Variants in NUP54 observed in about 807,000 individuals in gnomAD.
NUP54 encodes nucleoporin p54.
In NUP54, 27 loss-of-function variants were observed where a neutral mutation model predicts 66.4. The observed-to-expected ratio is 0.41, with a 90% CI of 0.30 to 0.56. The LOEUF (loss-of-function observed/expected upper bound fraction) is 0.56. NUP54 is among the 20% of genes least tolerant of loss of function. NUP54 has a pLI of 0.34. For synonymous variants in NUP54, 206 were observed against 210.7 expected (o/e 0.98, Z 0.19); for missense variants, 486 against 596.3 (o/e 0.82, Z 1.93).
intron 6 of NUP54, among the ~76,000 whole-genome samples, chr4:76,131,847 C>G (rs1730816008): frequency 6.6e-6 from 1 of 151,972 alleles, no homozygotes; most frequent in African/African-American, 2.4e-5. Context: ...TTGTTAATTA[C>G]TGTACAGTTT....
chr4:76,145,273 T>C (rs1265447828), intron 1 of NUP54, among the ~76,000 whole-genome samples: 2 of 148,928 alleles, frequency 1.3e-5, no homozygotes, highest in Non-Finnish European at 3.0e-5. Context: ...AGCCAAGATC[T>C]TGCCACTGTA....
At chr4:76,124,380 C>T (rs1208619254) in intron 9 of NUP54, among the ~76,000 whole-genome samples, 1 of 152,110 alleles carries the variant, frequency 6.6e-6, no homozygotes, top group Admixed American at 6.5e-5. Flanking sequence ...CTCACAGAAG[C>T]TTCCCTTGCA....
chr4:76,133,387 G>A (rs988778108), intron 5 of NUP54, among the ~76,000 whole-genome samples: 1 of 151,484 alleles, frequency 6.6e-6, no homozygotes, highest in Non-Finnish European at 1.5e-5. Flanking sequence ...CTCACTGCAA[G>A]CTCCGCCTCC....
At chr4:76,140,359 C>CA (rs764742007) in intron 3 of NUP54, among the ~76,000 whole-genome samples, 8 of 147,992 alleles carry the variant, frequency 5.4e-5, no homozygotes, top group Non-Finnish European at 1.0e-4. Context: ...GATCTCAGCT[C>CA]ACTGCAACCT....
intron 11 of NUP54, 127 bp downstream of exon 11, chr4:76,117,537 C>T (rs1730003687): frequency 8.2e-6 from 5 of 612,324 alleles, no homozygotes; most frequent in Non-Finnish European, 1.4e-5. Flanking sequence ...ATTCCCCCAA[C>T]AGTGCAAGAA....
intron 8 of NUP54, among the ~76,000 whole-genome samples, chr4:76,127,897 C>T (rs942441722): frequency 3.3e-5 from 5 of 152,146 alleles, no homozygotes; most frequent in Non-Finnish European, 7.4e-5. Flanking sequence ...CCAATCTCTC[C>T]CATTTAATAT....
Position 76,115,182 on chromosome 4 carries a change from T to C in NUP54, c.*184A>G, listed in dbSNP as rs553012903. The stretch of plus-strand genomic sequence containing the variant: ...ATATAAATCTTTCAAAGGTTTTCTT[T>C]GAAGAGCTGTGAGGTGACTATTTCA... On this transcript the variant is annotated 3_prime_UTR_variant, in exon 12 of 12. Coordinates refer to ENST00000264883, the MANE Select transcript of NUP54 (RefSeq NM_017426.4). 2.2e-6 allele frequency: 1 copy of C among 445,266 alleles called. No individual in the cohort carries two copies. Among genetic ancestry groups the C allele is most frequent in the East Asian group, 3.7e-5 (1 of 27,208 alleles). The allele number at this position is 445,266 out of a possible 1,614,324, so 27.6% of individuals were successfully genotyped here.
At chr4:76,118,767 G>T (rs1560673603) in intron 9 of NUP54, among the ~76,000 whole-genome samples, 1 of 151,838 alleles carries the variant, frequency 6.6e-6, no homozygotes, top group African/African-American at 2.4e-5. Context: ...CACTTTGGGA[G>T]GACAAGGCGG....
chr4:76,117,262 T>C (rs946615030), intron 11 of NUP54, among the ~76,000 whole-genome samples: 4 of 152,236 alleles, frequency 2.6e-5, no homozygotes, highest in African/African-American at 4.8e-5. Flanking sequence ...TCATTCTTTT[T>C]TCAAGGCTGA....
At chr4:76,122,833 TA>T (rs1236821792) in intron 9 of NUP54, among the ~76,000 whole-genome samples, 2 of 152,242 alleles carry the variant, frequency 1.3e-5, no homozygotes, top group African/African-American at 4.8e-5. Context: ...AAATGTGGTA[TA>T]GCCATATGAT....
At chr4:76,143,582 C>T (rs1009975235) in intron 3 of NUP54, among the ~76,000 whole-genome samples, 7 of 151,784 alleles carry the variant, frequency 4.6e-5, no homozygotes, top group African/African-American at 1.2e-4. Flanking sequence ...CCAGCCTGGG[C>T]GACAGAGCAA....
At chr4:76,148,055 C>A in intron 1 of NUP54, 4 of 422,040 alleles carry the variant, frequency 9.5e-6, no homozygotes, top group Non-Finnish European at 1.3e-5. Context: ...CAGCGGGAAG[C>A]GAACCGCTCA....
chr4:76,118,304 T>C (rs1462984336), intron 9 of NUP54, 110 bp from the exon 10 acceptor site: 1 of 980,560 alleles, frequency 1.0e-6, no homozygotes, highest in Non-Finnish European at 1.6e-6. Flanking sequence ...CAAACAACAG[T>C]AGGGTTCAAC....
At chr4:76,120,892 C>T (rs1443115687) in intron 9 of NUP54, among the ~76,000 whole-genome samples, 2 of 152,140 alleles carry the variant, frequency 1.3e-5, no homozygotes, top group African/African-American at 2.4e-5. Flanking sequence ...ATTATAGGAT[C>T]TCTTTGTATA....
At chr4:76,143,924 T>C (rs1731373332) in intron 3 of NUP54, among the ~76,000 whole-genome samples, 1 of 152,180 alleles carries the variant, frequency 6.6e-6, no homozygotes, top group Admixed American at 6.5e-5. Context: ...ACAACAAAAA[T>C]TTAAATGGAA....
chr4:76,127,742 T>C (rs1487871256), intron 8 of NUP54, among the ~76,000 whole-genome samples: 1 of 152,034 alleles, frequency 6.6e-6, no homozygotes, highest in Non-Finnish European at 1.5e-5. Flanking sequence ...CTAGAAGATA[T>C]TTACAACGTT....
At chr4:76,134,527 A>C (rs1177498097) in intron 4 of NUP54, among the ~76,000 whole-genome samples, 165 bp from the exon 5 acceptor site, 1 of 152,192 alleles carries the variant, frequency 6.6e-6, no homozygotes, top group African/African-American at 2.4e-5. Flanking sequence ...GAGGTCACAA[A>C]ATTATAAAGA....
At chr4:76,139,472 G>A (rs1334678562) in intron 3 of NUP54, among the ~76,000 whole-genome samples, 1 of 152,086 alleles carries the variant, frequency 6.6e-6, no homozygotes. Context: ...ATACAGAATG[G>A]GGGGCATTTA....
intron 3 of NUP54, among the ~76,000 whole-genome samples, chr4:76,139,364 C>T (rs1209098473): frequency 1.3e-5 from 2 of 152,142 alleles, no homozygotes; most frequent in African/African-American, 4.8e-5. Flanking sequence ...GCAAAATGTT[C>T]TTACCAAAAA....
Sources: gnomAD v4.1 joint callset for allele counts (sites outside exome capture counted in the v4.1 genomes callset) on GRCh38, gnomAD v4.1.1 for gene constraint, MANE v1.5 for transcripts, NCBI Gene and HGNC (gene_info 2026-07-23, HGNC 2026-07-21) for gene names.